The following TMEM143 variants were observed in gnomAD, a reference collection of about 807,000 sequenced individuals.
TMEM143 encodes transmembrane protein 143.
A neutral mutation model predicts 40.3 loss-of-function variants in TMEM143; 45 were observed. That is an observed-to-expected ratio of 1.12 (90% CI 0.88 to 1.43). TMEM143 has a LOEUF of 1.43. TMEM143 is among the 40% of genes most tolerant of loss of function. TMEM143 has a pLI of 0.00. For missense variants in TMEM143, 620 were observed against 613.4 expected, an observed-to-expected ratio of 1.01 and a Z score of -0.11; for synonymous variants, 299 against 282.7, an observed-to-expected ratio of 1.06 and a Z score of -0.58.
intron 3 of TMEM143, among the ~76,000 whole-genome samples, chr19:48,352,776 GA>G (rs533887032): frequency 6.6e-6 from 1 of 151,744 alleles, no homozygotes; most frequent in South Asian, 2.1e-4. Context: ...ATCTGTCTCA[GA>G]AAAAAATATA....
chr19:48,344,967 CA>C (rs1286179107), intron 4 of TMEM143, among the ~76,000 whole-genome samples, 192 bp downstream of exon 4: 1 of 152,212 alleles, frequency 6.6e-6, no homozygotes, highest in African/African-American at 2.4e-5. Flanking sequence ...CTTGGACCCC[CA>C]AACTGCTGGG....
intron 3 of TMEM143, among the ~76,000 whole-genome samples, chr19:48,347,071 C>T (rs1397193549): frequency 6.6e-6 from 1 of 152,140 alleles, no homozygotes; most frequent in African/African-American, 2.4e-5. Context: ...TGTCCCTAAA[C>T]GTCCCCCCTA....
At chr19:48,341,745 G>A (rs1364408565) in intron 6 of TMEM143, among the ~76,000 whole-genome samples, 1 of 152,104 alleles carries the variant, frequency 6.6e-6, no homozygotes, top group Non-Finnish European at 1.5e-5. Context: ...ACAGCGAGAA[G>A]AGAGTAGAGT....
In TMEM143 at chr19:48,333,361, T is replaced by C; in HGVS notation, c.1238A>G (p.Asn413Ser). Residue 413 changes from asparagine (N) to serine (S), a missense_variant, in exon 8 of 8, where the codon AAC becomes AGC. Asn to Ser is a conservative substitution (Grantham distance 46). Transcript: ENST00000293261. This position sits in a 1 kb window ranked among gnomAD's most constrained non-coding sequence, Gnocchi z 4.1. ...LAKSGCEVTFNGTRALAHLQA... is the reference protein window; with the variant it reads ...LAKSGCEVTFSGTRALAHLQA... ...CAGATGCGCCAGGGCCCGAGTTCCG[T>C]TGAAGGTCACCTCACAGCCTGACTT... 2 of 1,609,252 alleles carry C rather than the reference T, an allele frequency of 1.2e-6. No homozygotes were observed. Among genetic ancestry groups the C allele is most frequent in the Non-Finnish European group, 1.7e-6 (2 of 1,176,654 alleles).
chr19:48,360,079 C>A lies in TMEM143; in HGVS notation c.362G>T (p.Arg121Leu), dbSNP rs1206107741. ...TLFHYHQILARLQALYDPINP... is the reference protein window; with the variant it reads ...TLFHYHQILALLQALYDPINP... ...GAAGGGCCCCGTCCTCACCTGCAGC[C>A]GGGCCAGGATTTGGTGGTAGTGGAA... is the stretch of plus-strand genomic sequence containing the variant. The change falls in exon 3 of 8, where the codon CGG becomes CTG. Residue 121 changes from arginine (R) to leucine (L), a missense_variant. By Grantham distance (102) the Arg-to-Leu change is moderately radical (BLOSUM62 -2). Transcript: ENST00000293261. 6 of 1,613,990 alleles carry A rather than the reference C, an allele frequency of 3.7e-6. No homozygotes were observed. The highest frequency in any genetic ancestry group is 5.1e-6 in the Non-Finnish European group (6 of 1,179,978).
chr19:48,332,502 C>T lies in TMEM143; in HGVS notation c.*717G>A, dbSNP rs1177695482. ...GGGTGAAAGACCTGGGCGAGGAAGGCACCTGAGGTTGCCGGGAGCCAGGTT... is the reference window on the plus strand; with the variant it reads ...GGGTGAAAGACCTGGGCGAGGAAGGTACCTGAGGTTGCCGGGAGCCAGGTT... On this transcript the variant is annotated 3_prime_UTR_variant, in exon 8 of 8. Coordinates refer to ENST00000293261, the MANE Select transcript of TMEM143 (RefSeq NM_018273.4). 6.6e-6 allele frequency: 1 copy of T among 152,000 alleles called. No individual in the cohort carries two copies. Among genetic ancestry groups the T allele is most frequent in the Non-Finnish European group, 1.5e-5 (1 of 68,016 alleles). The allele number at this position is 152,000 out of a possible 1,614,324, so 9.4% of individuals were successfully genotyped here.
At chr19:48,341,348 G>A (rs1023028952) in intron 6 of TMEM143, among the ~76,000 whole-genome samples, 97 of 152,166 alleles carry the variant, frequency 6.4e-4, no homozygotes, top group African/African-American at 2.2e-3. Context: ...AAGGCAGCCC[G>A]GCACTCACAT....
intron 2 of TMEM143, among the ~76,000 whole-genome samples, chr19:48,361,054 C>G (rs2147390153): frequency 6.6e-6 from 1 of 151,930 alleles, no homozygotes; most frequent in Non-Finnish European, 1.5e-5. Context: ...TCCCAAAGTG[C>G]TGGGAGGCTG....
intron 3 of TMEM143, among the ~76,000 whole-genome samples, chr19:48,348,341 C>T (rs929572601): frequency 1.3e-5 from 2 of 152,056 alleles, no homozygotes; most frequent in Non-Finnish European, 2.9e-5. Context: ...TAAATCCTGC[C>T]GATTCCACCT....
chr19:48,340,660 G>A (rs538962450), intron 6 of TMEM143, among the ~76,000 whole-genome samples: 1 of 152,218 alleles, frequency 6.6e-6, no homozygotes, highest in Admixed American at 6.5e-5. Context: ...CGTGGGCTGG[G>A]ACTCAGTGTC....
intron 3 of TMEM143, 28 bp from the exon 4 acceptor site, chr19:48,345,382 T>C (rs781440564): frequency 2.0e-6 from 3 of 1,506,258 alleles, no homozygotes; most frequent in Non-Finnish European, 2.7e-6. Flanking sequence ...GAGAAAAAGA[T>C]GGGATAGGTC....
At chr19:48,347,239 C>T (rs557343120) in intron 3 of TMEM143, among the ~76,000 whole-genome samples, 2 of 152,294 alleles carry the variant, frequency 1.3e-5, no homozygotes, top group East Asian at 1.9e-4. Context: ...AAACCTAACC[C>T]TCCATGTGTC....
intron 3 of TMEM143, among the ~76,000 whole-genome samples, chr19:48,353,708 G>A (rs1371536130): frequency 6.6e-6 from 1 of 151,708 alleles, no homozygotes; most frequent in Non-Finnish European, 1.5e-5. Context: ...TAGAATTAAG[G>A]TAAAGATACA....
At chr19:48,338,857 G>T (rs990556494) in intron 6 of TMEM143, among the ~76,000 whole-genome samples, 2 of 152,166 alleles carry the variant, frequency 1.3e-5, no homozygotes, top group Non-Finnish European at 2.9e-5. Context: ...ATCCGGGAAG[G>T]CTTCCCAGAG....
intron 6 of TMEM143, among the ~76,000 whole-genome samples, chr19:48,336,683 CAG>C: frequency 6.6e-6 from 1 of 151,250 alleles, no homozygotes; most frequent in African/African-American, 2.4e-5. Context: ...GCCTGGGCGA[CAG>C]AGTGACACTG....
chr19:48,363,280 A>G lies in TMEM143; in HGVS notation c.264+11T>C. 6.2e-7 allele frequency: 1 copy of G among 1,608,788 alleles called. No individual in the cohort carries two copies. The highest frequency in any genetic ancestry group is 1.1e-5 in the South Asian group (1 of 90,810). ...TAGTCCCCAGGCTCTTGGGCCTGGG[A>G]CAGGCGGTACCTGTATTAGGAGGCG... On this transcript the variant is annotated intron_variant, in intron 2 of 7. Coordinates refer to ENST00000293261, the MANE Select transcript of TMEM143 (RefSeq NM_018273.4).
intron 3 of TMEM143, among the ~76,000 whole-genome samples, chr19:48,351,140 C>T (rs899809249): frequency 3.3e-5 from 5 of 151,902 alleles, no homozygotes; most frequent in Non-Finnish European, 5.9e-5. Context: ...CCCCATGGGC[C>T]TCTCAACACC....
Position 48,334,142 on chromosome 19 carries a change from T to C in TMEM143, c.1031A>G (p.Tyr344Cys). Residue 344 changes from tyrosine (Y) to cysteine (C), a missense_variant, in exon 7 of 8, where the codon TAT becomes TGT. By Grantham distance (194) the Tyr-to-Cys change is radical. Coordinates refer to ENST00000293261, the MANE Select transcript of TMEM143 (RefSeq NM_018273.4). ...QALELAHMLY[Y>C]RSTSNNSELL... ...CTCCGAGTTGTTGGACGTACTGCGA[T>C]AGTACAGCATGTGCGCCAGCTCCAA... 2 of 1,608,644 alleles carry C rather than the reference T, an allele frequency of 1.2e-6. No individual in the cohort carries two copies. The highest frequency in any genetic ancestry group is 1.7e-6 in the Non-Finnish European group (2 of 1,178,066).
At chr19:48,341,287 T>G (rs1479235382) in intron 6 of TMEM143, among the ~76,000 whole-genome samples, 1 of 152,210 alleles carries the variant, frequency 6.6e-6, no homozygotes, top group African/African-American at 2.4e-5. Flanking sequence ...AGCCTCCACC[T>G]GGCCCCTGGG....
Sources: gnomAD v4.1 joint callset for allele counts (sites outside exome capture counted in the v4.1 genomes callset) on GRCh38, gnomAD v4.1.1 for gene constraint, Gnocchi (gnomAD v3.1) non-coding constraint, MANE v1.5 for transcripts, NCBI Gene and HGNC (gene_info 2026-07-23, HGNC 2026-07-21) for gene names.